Variants in CWC27 observed in about 807,000 individuals in gnomAD.
The protein encoded by CWC27 is CWC27 spliceosome associated cyclophilin, also known as spliceosome-associated protein CWC27 homolog.
Under a neutral mutation model 63.6 loss-of-function variants are expected in CWC27, and 47 were observed. That is an observed-to-expected ratio of 0.74 (90% CI 0.58 to 0.94). The LOEUF is 0.94. Among genes scored for constraint, CWC27 ranks in the 40% least tolerant of loss-of-function variants. The pLI is 0.00. For missense variants in CWC27, 495 were observed against 554.3 expected (o/e 0.89, Z 1.07); for synonymous variants, 175 against 179.8 (o/e 0.97, Z 0.22).
At chr5:64,789,585 A>G (rs1744005041) in intron 7 of CWC27, among the ~76,000 whole-genome samples, 1 of 152,114 alleles carries the variant, frequency 6.6e-6, no homozygotes, top group South Asian at 2.1e-4. Context: ...ATGTCCTTGA[A>G]TTATGCAGTG....
chr5:64,794,234 T>G (rs1744178911), intron 7 of CWC27, among the ~76,000 whole-genome samples: 1 of 152,114 alleles, frequency 6.6e-6, no homozygotes, highest in Non-Finnish European at 1.5e-5. Flanking sequence ...CTCATGATAT[T>G]CTTGTAGACA....
At chr5:64,769,247 A>C (rs1443395280) in intron 1 of CWC27, 59 bp downstream of exon 1, 4 of 1,520,272 alleles carry the variant, frequency 2.6e-6, no homozygotes, top group Non-Finnish European at 3.7e-6. Context: ...GATTTCCCGG[A>C]TTTGGGGTGG....
At chr5:64,975,481 C>T (rs189256844) in intron 12 of CWC27, among the ~76,000 whole-genome samples, 43 of 152,250 alleles carry the variant, frequency 2.8e-4, no homozygotes, top group Non-Finnish European at 5.1e-4. Flanking sequence ...TATCCCATTT[C>T]ATAATGATGG....
At chr5:64,942,610 CA>C (rs1264221947) in intron 11 of CWC27, among the ~76,000 whole-genome samples, 1 of 151,950 alleles carries the variant, frequency 6.6e-6, no homozygotes, top group African/African-American at 2.4e-5. Context: ...TTATACGCAC[CA>C]AAAGATTGAT....
At chr5:64,852,764 C>T (rs1003659263) in intron 10 of CWC27, among the ~76,000 whole-genome samples, 8 of 151,662 alleles carry the variant, frequency 5.3e-5, no homozygotes, top group South Asian at 2.1e-4. Flanking sequence ...TGAGCCACTG[C>T]TCCCGGCCAC....
At chr5:64,776,123 A>C (rs1743443749) in intron 2 of CWC27, among the ~76,000 whole-genome samples, 5 of 107,502 alleles carry the variant, frequency 4.7e-5, no homozygotes, top group East Asian at 2.3e-4. Flanking sequence ...GAGAGAGAGA[A>C]TGAAAGGACA....
In CWC27 at chr5:64,773,540, T is replaced by TTCC. The variant is rs60482255; in HGVS notation, c.43-1151_43-1150insTCC. On this transcript the variant is annotated intron_variant, in intron 1 of 13. Transcript: ENST00000381070. The stretch of plus-strand genomic sequence containing the variant: ...TGACTTAGCATTGATGATACTGACC[T>TTCC]ATGAGAAACAGCCTCATGTTTTTGA... 4.6e-5 allele frequency among the ~76,000 whole-genome samples: 7 copies of TTCC among 152,002 alleles called. 1 individual carries two copies. In the East Asian group the frequency reaches 1.4e-3, roughly 29 times the overall value.
intron 11 of CWC27, among the ~76,000 whole-genome samples, chr5:64,963,440 G>A (rs10073902): frequency 3.9e-5 from 6 of 152,176 alleles, no homozygotes; most frequent in Middle Eastern, 3.2e-3. Context: ...CAGAGAATTA[G>A]TGAACTGAAA....
At chr5:64,791,284 A>G (rs879445838) in intron 7 of CWC27, among the ~76,000 whole-genome samples, 7 of 152,166 alleles carry the variant, frequency 4.6e-5, no homozygotes, top group South Asian at 4.1e-4. Flanking sequence ...TCTATTTGTA[A>G]CAGCAGCATG....
chr5:64,938,034 C>CA (rs1215404670), intron 11 of CWC27, among the ~76,000 whole-genome samples: 1 of 151,208 alleles, frequency 6.6e-6, no homozygotes, highest in Non-Finnish European at 1.5e-5. Flanking sequence ...ATACAGCACA[C>CA]CAATGGGTCT....
At chr5:64,879,074 C>G (rs1165640483) in intron 10 of CWC27, among the ~76,000 whole-genome samples, 1 of 151,716 alleles carries the variant, frequency 6.6e-6, no homozygotes, top group African/African-American at 2.4e-5. Flanking sequence ...AGATTGCTGT[C>G]ACTAACCATA....
intron 10 of CWC27, among the ~76,000 whole-genome samples, chr5:64,821,673 G>T (rs1376268303): frequency 1.3e-5 from 2 of 152,176 alleles, no homozygotes; most frequent in African/African-American, 2.4e-5. Context: ...CATAGGATCA[G>T]AGTGGTATTG....
intron 7 of CWC27, among the ~76,000 whole-genome samples, chr5:64,797,313 G>T (rs1744311072): frequency 6.6e-6 from 1 of 152,012 alleles, no homozygotes; most frequent in Admixed American, 6.6e-5. Flanking sequence ...GAAAGAATAG[G>T]CATTAAAGGG....
intron 10 of CWC27, among the ~76,000 whole-genome samples, chr5:64,836,708 C>T (rs1345331970): frequency 6.6e-6 from 1 of 151,954 alleles, no homozygotes; most frequent in Non-Finnish European, 1.5e-5. Context: ...ATAAATCTTA[C>T]TGTTTAAATC....
chr5:64,850,857 TGA>T (rs1369343419), intron 10 of CWC27, among the ~76,000 whole-genome samples: 3 of 151,930 alleles, frequency 2.0e-5, no homozygotes, highest in African/African-American at 7.3e-5. Flanking sequence ...AAAACCATGA[TGA>T]GATATCACCT....
At chr5:64,775,541 G>A (rs147512748) in intron 2 of CWC27, among the ~76,000 whole-genome samples, 125 of 152,016 alleles carry the variant, frequency 8.2e-4, no homozygotes, top group African/African-American at 1.9e-3. Context: ...CTTTTGGTAT[G>A]CTTTTTCTTC....
chr5:64,883,868 G>A (rs1276825171), intron 10 of CWC27, among the ~76,000 whole-genome samples: 1 of 152,164 alleles, frequency 6.6e-6, no homozygotes, highest in African/African-American at 2.4e-5. Context: ...GATCAGTGAG[G>A]TGGGAGTGTT....
intron 11 of CWC27, among the ~76,000 whole-genome samples, chr5:64,954,323 C>G (rs567465488): frequency 1.0e-3 from 154 of 152,238 alleles, no homozygotes; most frequent in African/African-American, 3.6e-3. Context: ...GGGTCTTGCT[C>G]TGTCACCCAG....
At chr5:64,973,220 A>G (rs1296398657) in intron 12 of CWC27, among the ~76,000 whole-genome samples, 1 of 152,240 alleles carries the variant, frequency 6.6e-6, no homozygotes, top group Non-Finnish European at 1.5e-5. Context: ...TTTTTAAACC[A>G]TGTTAAGGAG....
Sources: gnomAD v4.1 joint callset for allele counts (sites outside exome capture counted in the v4.1 genomes callset) on GRCh38, gnomAD v4.1.1 for gene constraint, MANE v1.5 for transcripts, NCBI Gene and HGNC (gene_info 2026-07-23, HGNC 2026-07-21) for gene names.